KANK1: variants seen among roughly 807,000 people sequenced by gnomAD.
The protein encoded by KANK1 is KN motif and ankyrin repeat domain-containing protein 1.
Under a neutral mutation model 106.2 loss-of-function variants are expected in KANK1, and 109 were observed. The ratio of observed to expected loss-of-function variants is 1.03; its 90% CI spans 0.88 to 1.20. The LOEUF is 1.20. Ranked by LOEUF, KANK1 falls within the 50% of genes most tolerant of loss-of-function variation. The pLI, the probability that KANK1 is intolerant of heterozygous loss-of-function variation, is 0.00. For missense variants in KANK1, 2,399 were observed against 1,710.7 expected, an observed-to-expected ratio of 1.40 and a Z score of -7.10; for synonymous variants, 873 against 652.2, an observed-to-expected ratio of 1.34 and a Z score of -5.16.
chr9:610,265 A>G (rs1830260430), intron 1 of KANK1, among the ~76,000 whole-genome samples: 1 of 152,212 alleles, frequency 6.6e-6, no homozygotes, highest in Non-Finnish European at 1.5e-5. Flanking sequence ...CAATTATCCT[A>G]ATAAATTAGA....
At chr9:522,564 G>C (rs1168017118) in intron 1 of KANK1, among the ~76,000 whole-genome samples, 1 of 151,704 alleles carries the variant, frequency 6.6e-6, no homozygotes, top group Non-Finnish European at 1.5e-5. Context: ...AGGGGGTCCT[G>C]GTGTACCCCA....
At chr9:517,063 A>G (rs1644135279) in intron 1 of KANK1, among the ~76,000 whole-genome samples, 1 of 147,950 alleles carries the variant, frequency 6.8e-6, no homozygotes, top group African/African-American at 2.6e-5. Context: ...CAGAGCCACG[A>G]GGGAGCTATT....
intron 1 of KANK1, among the ~76,000 whole-genome samples, chr9:591,407 C>A (rs886906261): frequency 1.3e-5 from 2 of 151,718 alleles, no homozygotes; most frequent in Admixed American, 6.6e-5. Flanking sequence ...CTTGGCATAC[C>A]CCTGCCTGAG....
chr9:742,824 T>G (rs966208691), intron 10 of KANK1, among the ~76,000 whole-genome samples: 3 of 152,188 alleles, frequency 2.0e-5, no homozygotes, highest in Admixed American at 2.0e-4. Flanking sequence ...CCTACTATAG[T>G]GAACCTTTTC....
intron 1 of KANK1, among the ~76,000 whole-genome samples, chr9:555,858 GC>G (rs953494824): frequency 8.8e-4 from 134 of 152,332 alleles, no homozygotes; most frequent in African/African-American, 3.2e-3. Context: ...TGATAAAGAT[GC>G]CGACAACCCC....
intron 1 of KANK1, among the ~76,000 whole-genome samples, chr9:662,795 G>A (rs1281402976): frequency 1.3e-5 from 2 of 151,840 alleles, no homozygotes; most frequent in Non-Finnish European, 2.9e-5. Flanking sequence ...CCGAGTAGCT[G>A]GGATTACAGG....
intron 1 of KANK1, among the ~76,000 whole-genome samples, chr9:592,279 A>G (rs1588086436): frequency 6.6e-6 from 1 of 151,948 alleles, no homozygotes; most frequent in African/African-American, 2.4e-5. Flanking sequence ...CTTAGGCCTC[A>G]GAACCTGGCC....
chr9:481,996 T>C (rs540083641), intron 3 of KANK1, among the ~76,000 whole-genome samples: 2 of 152,210 alleles, frequency 1.3e-5, no homozygotes, highest in East Asian at 3.9e-4. Context: ...CTTCCTCAGA[T>C]CCTAAAATTG....
intron 1 of KANK1, among the ~76,000 whole-genome samples, chr9:564,662 A>G (rs1181507164): frequency 6.6e-6 from 1 of 152,198 alleles, no homozygotes; most frequent in Non-Finnish European, 1.5e-5. Context: ...TGGTGTTCTC[A>G]TAATCTGAGC....
intron 9 of KANK1, 67 bp from the exon 10 acceptor site, chr9:742,138 C>A: frequency 7.4e-7 from 1 of 1,350,296 alleles, no homozygotes; most frequent in Non-Finnish European, 1.0e-6. Flanking sequence ...CCTAGCACAG[C>A]CCCACTAGAG....
At chr9:678,321 C>T (rs1816813118) in intron 2 of KANK1, among the ~76,000 whole-genome samples, 4 of 152,298 alleles carry the variant, frequency 2.6e-5, no homozygotes, top group Admixed American at 2.6e-4. Context: ...GCTTTGCCTG[C>T]ATTTTCATAC....
chr9:734,602 G>C, intron 6 of KANK1, 146 bp from the exon 7 acceptor site: 6 of 551,852 alleles, frequency 1.1e-5, no homozygotes, highest in South Asian at 2.0e-5. Flanking sequence ...GGAGGCGGAG[G>C]TTGCAGTGAG....
At chr9:716,353 A>T (rs1827688901) in intron 3 of KANK1, among the ~76,000 whole-genome samples, 1 of 152,222 alleles carries the variant, frequency 6.6e-6, no homozygotes, top group East Asian at 1.9e-4. Context: ...TGGTTAGAGT[A>T]TTTCCAGAAA....
intron 1 of KANK1, among the ~76,000 whole-genome samples, chr9:636,671 G>A (rs1458056203): frequency 6.6e-6 from 1 of 152,188 alleles, no homozygotes; most frequent in Non-Finnish European, 1.5e-5. Flanking sequence ...TTCGAGACCA[G>A]TCTGGCCAAC....
intron 1 of KANK1, among the ~76,000 whole-genome samples, chr9:557,504 A>T (rs2061669082): frequency 6.6e-6 from 1 of 152,214 alleles, no homozygotes; most frequent in Non-Finnish European, 1.5e-5. Context: ...TTTAAGTGAC[A>T]ATGGGGAAAA....
In KANK1 at chr9:734,825, G is replaced by C; in HGVS notation, c.3323G>C (p.Ser1108Thr). ...ATAAATGACCCCAAAGCTTTGACCA[G>C]CAAAGATATGGTGAGTCTGACCTGC... ...NTINDPKALT[S>T]KDMRFCLNTL... Residue 1108 changes from serine (S) to threonine (T), a missense_variant, in exon 7 of 12, where the codon AGC becomes ACC. Coordinates refer to ENST00000382297, the MANE Select transcript of KANK1 (RefSeq NM_015158.5). 2 of 1,611,970 alleles carry C rather than the reference G, an allele frequency of 1.2e-6. No individual in the cohort carries two copies. Among genetic ancestry groups the C allele is most frequent in the East Asian group, 4.5e-5 (2 of 44,872 alleles).
chr9:538,770 C>G (rs2060436084), intron 1 of KANK1, among the ~76,000 whole-genome samples: 1 of 152,164 alleles, frequency 6.6e-6, no homozygotes, highest in African/African-American at 2.4e-5. Context: ...TAATGATTGT[C>G]CCTCAGAGGA....
Position 721,977 on chromosome 9 carries a change from T to C in KANK1, c.2699-8074T>C, listed in dbSNP as rs536022049. Among the ~76,000 whole-genome samples the C allele has an allele frequency of 3.9e-5, 6 of 152,274 alleles. No individual in the cohort carries two copies. The East Asian group carries it at 9.7e-4, about 25-fold the overall frequency. ...CATCTCCATAGCTCACACCTCAGGATTGAGGTGTACCGAAACCCAAGGGGG... is the reference window on the plus strand; with the variant it reads ...CATCTCCATAGCTCACACCTCAGGACTGAGGTGTACCGAAACCCAAGGGGG... On this transcript the variant is annotated intron_variant, in intron 3 of 11. Transcript: ENST00000382297.
chr9:677,892 G>C (rs939785107), intron 2 of KANK1, among the ~76,000 whole-genome samples: 2 of 152,126 alleles, frequency 1.3e-5, no homozygotes, highest in African/African-American at 4.8e-5. Flanking sequence ...TATTGGGCAG[G>C]GCTATTTCTC....
Sources: gnomAD v4.1 joint callset for allele counts (sites outside exome capture counted in the v4.1 genomes callset) on GRCh38, gnomAD v4.1.1 for gene constraint, MANE v1.5 for transcripts, NCBI Gene and HGNC (gene_info 2026-07-23, HGNC 2026-07-21) for gene names.